The following DPY19L1 variants were observed in gnomAD, a reference collection of about 807,000 sequenced individuals.
DPY19L1 encodes dpy-19 like C-mannosyltransferase 1, also known as protein C-mannosyl-transferase DPY19L1.
Under a neutral mutation model 96.9 loss-of-function variants are expected in DPY19L1, and 35 were observed. The observed-to-expected ratio is 0.36, with a 90% CI of 0.28 to 0.48. The LOEUF is 0.48. Among genes scored for constraint, DPY19L1 ranks in the 20% least tolerant of loss-of-function variants. DPY19L1 has a pLI of 0.99. For synonymous variants in DPY19L1, 205 were observed against 252.6 expected (o/e 0.81, Z 1.79); for missense variants, 521 against 777.9 (o/e 0.67, Z 3.93).
chr7:35,036,629 A>T (rs529209511), intron 1 of DPY19L1, among the ~76,000 whole-genome samples: 1 of 152,274 alleles, frequency 6.6e-6, no homozygotes, highest in East Asian at 1.9e-4. Flanking sequence ...AAGTACGCTA[A>T]AATTTAATTA....
chr7:34,992,962 C>A (rs1785205681), intron 6 of DPY19L1, among the ~76,000 whole-genome samples: 1 of 152,228 alleles, frequency 6.6e-6, no homozygotes, highest in Admixed American at 6.5e-5. Context: ...AACTTCCTTA[C>A]TTCCAAAGTC....
chr7:34,982,981 CCT>C (rs1002445336), intron 7 of DPY19L1, among the ~76,000 whole-genome samples: 3 of 152,136 alleles, frequency 2.0e-5, no homozygotes, highest in African/African-American at 7.2e-5. Context: ...GGAATCATCC[CCT>C]GAGTTAAGCA....
chr7:35,022,876 C>T (rs1003991552), intron 1 of DPY19L1, among the ~76,000 whole-genome samples: 8 of 152,218 alleles, frequency 5.3e-5, no homozygotes, highest in Non-Finnish European at 8.8e-5. Context: ...CCTGCCCTCT[C>T]GCAGTGGGGC....
intron 3 of DPY19L1, among the ~76,000 whole-genome samples, chr7:35,013,958 G>A (rs779623248): frequency 2.0e-5 from 3 of 151,986 alleles, no homozygotes; most frequent in Admixed American, 1.3e-4. Flanking sequence ...AAAATAATAC[G>A]ACTCAGCATA....
At chr7:34,969,781 AT>A (rs1784686705) in intron 8 of DPY19L1, among the ~76,000 whole-genome samples, 1 of 152,166 alleles carries the variant, frequency 6.6e-6, no homozygotes, top group Non-Finnish European at 1.5e-5. Flanking sequence ...ATCCATGAAC[AT>A]TTTTTTCAAA....
chr7:35,022,169 T>C (rs1030179666), intron 1 of DPY19L1, among the ~76,000 whole-genome samples: 3 of 152,310 alleles, frequency 2.0e-5, no homozygotes, highest in African/African-American at 4.8e-5. Context: ...TGTAACAAAA[T>C]TGATAATCCA....
Position 34,931,514 on chromosome 7 carries a change from A to G in DPY19L1, c.*59T>C, listed in dbSNP as rs1351826865. 11 of 1,438,012 alleles carry G rather than the reference A, an allele frequency of 7.6e-6. No homozygotes were observed. Among genetic ancestry groups the G allele is most frequent in the Admixed American group, 2.7e-5 (1 of 37,522 alleles). 89.1% of individuals were successfully genotyped at this position (1,438,012 alleles called of 1,614,324 possible). On this transcript the variant is annotated 3_prime_UTR_variant, in exon 22 of 22. Coordinates refer to ENST00000638088, the MANE Select transcript of DPY19L1 (RefSeq NM_001366673.1). ...TTGGGATATGAACAACACATGACTT[A>G]GCAAAACATTAAAACCATTACAGAT...
At chr7:34,977,407 T>A (rs561050090) in intron 7 of DPY19L1, among the ~76,000 whole-genome samples, 1 of 152,332 alleles carries the variant, frequency 6.6e-6, no homozygotes, top group South Asian at 2.1e-4. Flanking sequence ...AATTCGTTGC[T>A]TTTAATAGCT....
In DPY19L1 at chr7:34,990,198, T is replaced by C. The variant is rs140460158; in HGVS notation, c.765-257A>G. On this transcript the variant is annotated intron_variant, in intron 6 of 21. Transcript: ENST00000638088. The stretch of plus-strand genomic sequence containing the variant: ...GAAAAGCACGCAAACTGAAAGGGAA[T>C]AGAAAATTCTTAGTAGTCATATTAC... Among the ~76,000 whole-genome samples, 937 of 152,350 alleles carry C rather than the reference T, an allele frequency of 6.2e-3. 11 individuals are homozygous for C. The highest frequency in any genetic ancestry group is 0.02 in the African/African-American group (830 of 41,580).
intron 7 of DPY19L1, among the ~76,000 whole-genome samples, chr7:34,984,655 C>T (rs775703642): frequency 3.9e-5 from 6 of 152,172 alleles, no homozygotes; most frequent in Admixed American, 6.5e-5. Context: ...ATAGACACAC[C>T]AGTGAATAGC....
chr7:34,958,684 A>G (rs1257548651), intron 10 of DPY19L1, among the ~76,000 whole-genome samples: 1 of 152,246 alleles, frequency 6.6e-6, no homozygotes, highest in Non-Finnish European at 1.5e-5. Flanking sequence ...TGGCCTACAA[A>G]AAGATTGTGG....
At chr7:35,005,889 A>C (rs2128676761) in intron 6 of DPY19L1, among the ~76,000 whole-genome samples, 1 of 152,192 alleles carries the variant, frequency 6.6e-6, no homozygotes, top group Non-Finnish European at 1.5e-5. Flanking sequence ...GGCGGATGGG[A>C]AGGAACCAGG....
At chr7:34,987,751 T>C (rs1366475798) in intron 7 of DPY19L1, among the ~76,000 whole-genome samples, 2 of 152,070 alleles carry the variant, frequency 1.3e-5, no homozygotes, top group Non-Finnish European at 2.9e-5. Flanking sequence ...AGAAAAAGTA[T>C]ATACTTAAAA....
chr7:34,977,345 A>G (rs1239364985), intron 7 of DPY19L1, among the ~76,000 whole-genome samples: 1 of 152,242 alleles, frequency 6.6e-6, no homozygotes, highest in Admixed American at 6.5e-5. Flanking sequence ...CTTCATGCAG[A>G]CAGTTCCCCC....
chr7:35,000,422 A>C (rs1010211275), intron 6 of DPY19L1: 4 of 152,254 alleles, frequency 2.6e-5, no homozygotes, highest in Admixed American at 2.6e-4. Flanking sequence ...GGAAATGTGT[A>C]ATCACAAAAG....
intron 10 of DPY19L1, among the ~76,000 whole-genome samples, chr7:34,963,741 G>A (rs1562808499): frequency 6.6e-6 from 1 of 151,876 alleles, no homozygotes; most frequent in Non-Finnish European, 1.5e-5. Flanking sequence ...TACACACCAT[G>A]GACTATTATT....
chr7:35,010,709 C>T, intron 5 of DPY19L1, 148 bp from the exon 6 acceptor site: 1 of 647,416 alleles, frequency 1.5e-6, no homozygotes, highest in Non-Finnish European at 2.8e-6. Flanking sequence ...AAACACAACA[C>T]TACTGCAGAA....
chr7:34,955,395 C>T, intron 11 of DPY19L1, 28 bp from the exon 12 acceptor site: 2 of 1,598,388 alleles, frequency 1.3e-6, no homozygotes, highest in Non-Finnish European at 1.7e-6. Flanking sequence ...ACATAGTATA[C>T]ACAGTTAATA....
At chr7:34,998,545 C>T (rs1456241911) in intron 6 of DPY19L1, among the ~76,000 whole-genome samples, 1 of 152,198 alleles carries the variant, frequency 6.6e-6, no homozygotes, top group Non-Finnish European at 1.5e-5. Context: ...GTCAATGGCA[C>T]TGGGTGTCAC....
Sources: allele counts gnomAD v4.1 joint callset (sites outside exome capture counted in the v4.1 genomes callset), GRCh38; gene constraint gnomAD v4.1.1; transcripts MANE v1.5; gene names NCBI Gene and HGNC (gene_info 2026-07-23, HGNC 2026-07-21).